Variants in SINHCAF observed in about 807,000 individuals in gnomAD.
The protein encoded by SINHCAF is SIN3-HDAC complex-associated factor.
A neutral mutation model predicts 25.8 loss-of-function variants in SINHCAF; 3 were observed. The observed-to-expected ratio is 0.12, with a 90% CI of 0.05 to 0.30. The LOEUF is 0.30. Among genes scored for constraint, SINHCAF ranks in the 10% least tolerant of loss-of-function variants. The pLI, the probability that SINHCAF is intolerant of heterozygous loss-of-function variation, is 1.00. For synonymous variants in SINHCAF, 70 were observed against 85.5 expected (o/e 0.82, Z 1.00); for missense variants, 121 against 262.3 (o/e 0.46, Z 3.72).
At chr12:31,301,323 T>C (rs745477621) in intron 1 of SINHCAF, among the ~76,000 whole-genome samples, 51 of 152,140 alleles carry the variant, frequency 3.4e-4, no homozygotes, top group East Asian at 3.8e-4. Flanking sequence ...TAGGGGAGAA[T>C]AGGCTGATGT....
Position 31,324,142 on chromosome 12 carries a change from C to T in SINHCAF, c.-21+1882G>A. 2.3e-6 allele frequency: 1 copy of T among 436,750 alleles called. No homozygotes were observed. Among genetic ancestry groups the T allele is most frequent in the South Asian group, 1.6e-5 (1 of 62,592 alleles). 27.1% of individuals were successfully genotyped at this position (436,750 alleles called of 1,614,324 possible). The stretch of plus-strand genomic sequence containing the variant: ...GAACCGCGTCGCTCGCCGCCACCTC[C>T]CTCACCTGCGCCGGAACAACGGGCC... On this transcript the variant is annotated intron_variant, in intron 1 of 5. Coordinates refer to ENST00000337682, the MANE Select transcript of SINHCAF (RefSeq NM_001135812.2). The surrounding 1 kb of genome is among the most constrained non-coding windows in gnomAD (Gnocchi z 5.5).
intron 1 of SINHCAF, among the ~76,000 whole-genome samples, chr12:31,317,026 T>C (rs1311209299): frequency 6.6e-6 from 1 of 152,214 alleles, no homozygotes; most frequent in Non-Finnish European, 1.5e-5. Context: ...CCAATTCCAC[T>C]TTCTAGATTC....
At chr12:31,292,218 G>A (rs1262660990) in intron 4 of SINHCAF, among the ~76,000 whole-genome samples, 1 of 152,118 alleles carries the variant, frequency 6.6e-6, no homozygotes, top group Non-Finnish European at 1.5e-5. Context: ...CATCTAGTGA[G>A]GACTGGGTGT....
intron 1 of SINHCAF, among the ~76,000 whole-genome samples, chr12:31,308,660 G>A (rs565460919): frequency 7.9e-5 from 12 of 152,264 alleles, no homozygotes; most frequent in East Asian, 3.9e-4. Flanking sequence ...AGAGAAGTCC[G>A]AGTCTGCTAA....
At chr12:31,298,359 G>A (rs377582663) in intron 1 of SINHCAF, 135 bp from the exon 2 acceptor site, 13 of 913,308 alleles carry the variant, frequency 1.4e-5, no homozygotes, top group South Asian at 2.9e-5. Flanking sequence ...CTCAAGGGAA[G>A]ACCTCCTGGA....
chr12:31,325,762 T>C lies in SINHCAF; in HGVS notation c.-21+262A>G. On this transcript the variant is annotated intron_variant, in intron 1 of 5. Transcript: ENST00000337682. This position sits in a 1 kb window ranked among gnomAD's most constrained non-coding sequence, Gnocchi z 5.9. ...CAATTATGCCCAGGCTCCACTCACT[T>C]CCCCGCCCCGAGACTTTCGGTTTGC... The C allele has an allele frequency of 6.5e-6, 1 of 154,308 alleles. No individual in the cohort carries two copies. The highest frequency in any genetic ancestry group is 6.4e-5 in the Admixed American group (1 of 15,528). 9.6% of individuals were successfully genotyped at this position (154,308 alleles called of 1,614,324 possible).
rs1322135809 is a variant in SINHCAF, at chr12:31,281,453, T to C, written c.*1259A>G. The stretch of plus-strand genomic sequence containing the variant: ...AAGTCAAACACCCATTCTACACAGA[T>C]AAAAACCTTCACAAAGGTCAACTGA... On this transcript the variant is annotated 3_prime_UTR_variant, in exon 6 of 6. Transcript: ENST00000337682. 6.6e-6 allele frequency: 1 copy of C among 152,220 alleles called. No homozygotes were observed. Among genetic ancestry groups the C allele is most frequent in the Non-Finnish European group, 1.5e-5 (1 of 68,022 alleles). 9.4% of individuals were successfully genotyped at this position (152,220 alleles called of 1,614,324 possible). A position where few individuals can be genotyped will look rare whatever the true frequency, so the allele number is the denominator to read the frequency against.
At chr12:31,308,274 T>A (rs1939116899) in intron 1 of SINHCAF, among the ~76,000 whole-genome samples, 1 of 152,158 alleles carries the variant, frequency 6.6e-6, no homozygotes, top group Admixed American at 6.6e-5. Flanking sequence ...CACAGCTGGC[T>A]GTCCCTCACG....
rs1490412735 is a variant in SINHCAF at position 31,293,730 on chromosome 12, C to A, written c.355+75G>T. On this transcript the variant is annotated intron_variant, in intron 4 of 5. Transcript: ENST00000337682. ...AAGCAATAAAGGAAAAAATGATCCA[C>A]ACATGCCATACACCACCCCCAGCCA... 3 of 1,300,604 alleles carry A rather than the reference C, an allele frequency of 2.3e-6. No individual in the cohort carries two copies. The East Asian group carries it at 7.9e-5, about 34-fold the overall frequency. 80.6% of individuals were successfully genotyped at this position (1,300,604 alleles called of 1,614,324 possible). A position where few individuals can be genotyped will look rare whatever the true frequency, so the allele number is the denominator to read the frequency against.
In SINHCAF at chr12:31,282,771, C is replaced by A. The variant is rs1462165740; in HGVS notation, c.607G>T (p.Ala203Ser). Residue 203 changes from alanine to serine, a missense_variant, in exon 6 of 6, where the codon GCT becomes TCT. Coordinates refer to ENST00000337682, the MANE Select transcript of SINHCAF (RefSeq NM_001135812.2). ...GGCCCCTGCTCCTCTGGCTTCTCAG[C>A]AGCTGCTTTCTTATTGCTGCAGCAA... Reference protein sequence around the residue: ...KPCCSNKKAAAEKPEEQGPEP... With the variant: ...KPCCSNKKAASEKPEEQGPEP... 3 of 1,613,220 alleles carry A rather than the reference C, an allele frequency of 1.9e-6. No individual in the cohort carries two copies. Among genetic ancestry groups the A allele is most frequent in the Non-Finnish European group, 2.5e-6 (3 of 1,179,582 alleles).
At chr12:31,305,878 T>A (rs1939006672) in intron 1 of SINHCAF, among the ~76,000 whole-genome samples, 1 of 152,214 alleles carries the variant, frequency 6.6e-6, no homozygotes, top group African/African-American at 2.4e-5. Context: ...TTTTGTATTG[T>A]TAGTGGAGAC....
At chr12:31,300,062 T>C (rs923489834) in intron 1 of SINHCAF, among the ~76,000 whole-genome samples, 3 of 152,202 alleles carry the variant, frequency 2.0e-5, no homozygotes, top group African/African-American at 4.8e-5. Context: ...CATATGGCTG[T>C]ATTTGTCTTT....
intron 1 of SINHCAF, among the ~76,000 whole-genome samples, chr12:31,322,321 A>T (rs1047173580): frequency 3.9e-5 from 6 of 152,250 alleles, no homozygotes; most frequent in African/African-American, 1.4e-4. Context: ...TTAGCTATGA[A>T]ATACTAATTA....
At chr12:31,311,699 A>AG in intron 1 of SINHCAF, 1 of 496,548 alleles carries the variant, frequency 2.0e-6, no homozygotes, top group Non-Finnish European at 3.9e-6. Flanking sequence ...GCAAGCATTG[A>AG]GAAAAATGGT....
chr12:31,313,042 G>A (rs1475765616), intron 1 of SINHCAF, among the ~76,000 whole-genome samples: 1 of 151,202 alleles, frequency 6.6e-6, no homozygotes, highest in Non-Finnish European at 1.5e-5. Flanking sequence ...CTTTTTTTTT[G>A]AGACGCAGTT....
intron 1 of SINHCAF, 21 bp from the exon 2 acceptor site, chr12:31,298,245 A>G: frequency 6.2e-7 from 1 of 1,612,308 alleles, no homozygotes; most frequent in Non-Finnish European, 8.5e-7. Context: ...AAGGGAATTG[A>G]CATATCTTTG....
chr12:31,320,085 G>T (rs1939641087), intron 1 of SINHCAF, among the ~76,000 whole-genome samples: 1 of 152,130 alleles, frequency 6.6e-6, no homozygotes, highest in Non-Finnish European at 1.5e-5. Context: ...TCAGAACCTT[G>T]TAACTGACTT....
Position 31,325,226 on chromosome 12 carries a change from C to T in SINHCAF, c.-21+798G>A, listed in dbSNP as rs1565510221. ...ACACCTACGCTACAGGTGAACGCAC[C>T]GGGAGCAAAACTTCGGGCTCCGAAA... On this transcript the variant is annotated intron_variant, in intron 1 of 5. Coordinates refer to ENST00000337682, the MANE Select transcript of SINHCAF (RefSeq NM_001135812.2). This position sits in a 1 kb window ranked among gnomAD's most constrained non-coding sequence, Gnocchi z 5.9. The T allele has an allele frequency of 2.2e-6, 1 of 456,666 alleles. No homozygotes were observed. Among genetic ancestry groups the T allele is most frequent in the Admixed American group, 2.3e-5 (1 of 42,568 alleles). 28.3% of individuals were successfully genotyped at this position (456,666 alleles called of 1,614,324 possible). A position where few individuals can be genotyped will look rare whatever the true frequency, so the allele number is the denominator to read the frequency against.
At chr12:31,313,246 C>T (rs1025222421) in intron 1 of SINHCAF, among the ~76,000 whole-genome samples, 3 of 152,038 alleles carry the variant, frequency 2.0e-5, no homozygotes, top group Admixed American at 6.5e-5. Context: ...AGGCTGGTCT[C>T]GAACTCCTGA....
Sources: allele counts gnomAD v4.1 joint callset (sites outside exome capture counted in the v4.1 genomes callset), GRCh38; gene constraint gnomAD v4.1.1; non-coding constraint Gnocchi (gnomAD v3.1); transcripts MANE v1.5; gene names NCBI Gene and HGNC (gene_info 2026-07-23, HGNC 2026-07-21).